Variants in HNRNPC observed in about 807,000 individuals in gnomAD.
HNRNPC encodes the protein heterogeneous nuclear ribonucleoprotein C.
In HNRNPC, 3 loss-of-function variants were observed where a neutral mutation model predicts 33.2. That is an observed-to-expected ratio of 0.09 (90% CI 0.04 to 0.23). The LOEUF (loss-of-function observed/expected upper bound fraction) is 0.23. Among genes scored for constraint, HNRNPC ranks in the 10% least tolerant of loss-of-function variants. The pLI, the probability that HNRNPC is intolerant of heterozygous loss-of-function variation, is 1.00. For synonymous variants in HNRNPC, 121 were observed against 126.7 expected (o/e 0.96, Z 0.30); for missense variants, 143 against 366.7 (o/e 0.39, Z 4.98).
chr14:21,232,668 A>T (rs1322113102), intron 3 of HNRNPC, among the ~76,000 whole-genome samples: 2 of 152,178 alleles, frequency 1.3e-5, no homozygotes, highest in African/African-American at 4.8e-5. Context: ...AACCTGGCCA[A>T]ATGTGGATAT....
intron 2 of HNRNPC, among the ~76,000 whole-genome samples, chr14:21,238,697 G>C (rs189269727): frequency 6.6e-6 from 1 of 152,076 alleles, no homozygotes; most frequent in African/African-American, 2.4e-5. Context: ...TCTAGTTGAA[G>C]GGGTCTAGAA....
At chr14:21,223,716 C>T (rs979473395) in intron 5 of HNRNPC, among the ~76,000 whole-genome samples, 1 of 151,868 alleles carries the variant, frequency 6.6e-6, no homozygotes, top group East Asian at 1.9e-4. Context: ...CCACTGCACT[C>T]GAGCCTGGGC....
intron 5 of HNRNPC, among the ~76,000 whole-genome samples, chr14:21,221,925 T>G (rs1421129374): frequency 1.3e-5 from 2 of 150,706 alleles, no homozygotes; most frequent in Non-Finnish European, 2.9e-5. Flanking sequence ...GGCGGGCACC[T>G]GTAGTCTCAG....
At chr14:21,253,319 A>AG (rs1284344638) in intron 2 of HNRNPC, among the ~76,000 whole-genome samples, 8 of 151,540 alleles carry the variant, frequency 5.3e-5, no homozygotes, top group Non-Finnish European at 8.8e-5. Context: ...TACTAAAAAA[A>AG]AAAAAAAATA....
At chr14:21,259,404 G>A (rs1392959484) in intron 2 of HNRNPC, among the ~76,000 whole-genome samples, 2 of 152,216 alleles carry the variant, frequency 1.3e-5, no homozygotes, top group Middle Eastern at 3.4e-3. Context: ...GAGGGCAGGG[G>A]ACATGTTTTG....
intron 1 of HNRNPC, among the ~76,000 whole-genome samples, chr14:21,266,510 CAT>C (rs1879006851): frequency 6.6e-6 from 1 of 151,942 alleles, no homozygotes; most frequent in Non-Finnish European, 1.5e-5. Flanking sequence ...TCCAAAAACA[CAT>C]AACCTATGAT....
chr14:21,238,318 T>C (rs558982375), intron 2 of HNRNPC, among the ~76,000 whole-genome samples: 2 of 152,200 alleles, frequency 1.3e-5, no homozygotes, highest in Non-Finnish European at 2.9e-5. Flanking sequence ...GTCAAAAAAA[T>C]AGTATCTGAA....
intron 2 of HNRNPC, among the ~76,000 whole-genome samples, chr14:21,238,341 A>G (rs930093035): frequency 6.6e-6 from 1 of 152,250 alleles, no homozygotes; most frequent in Non-Finnish European, 1.5e-5. Flanking sequence ...CGTACAATAC[A>G]TAGGAGACAT....
intron 5 of HNRNPC, among the ~76,000 whole-genome samples, chr14:21,218,708 A>AAC (rs1555351295): frequency 2.1e-5 from 3 of 142,512 alleles, no homozygotes; most frequent in Admixed American, 7.0e-5. Flanking sequence ...AAAAAAAAAA[A>AAC]CTGAAATTGA....
chr14:21,243,268 G>A (rs1038364987), intron 2 of HNRNPC, among the ~76,000 whole-genome samples: 1 of 151,940 alleles, frequency 6.6e-6, no homozygotes, highest in Admixed American at 6.6e-5. Flanking sequence ...TTATTCTTAG[G>A]AGATGCAGCC....
At chr14:21,236,518 C>G (rs966805477) in intron 2 of HNRNPC, 1 of 152,144 alleles carries the variant, frequency 6.6e-6, no homozygotes, top group Non-Finnish European at 1.5e-5. Flanking sequence ...TATTTACTAA[C>G]CATGTGCTGA....
chr14:21,261,807 T>A (rs1438505420), intron 2 of HNRNPC, among the ~76,000 whole-genome samples: 1 of 152,200 alleles, frequency 6.6e-6, no homozygotes, highest in African/African-American at 2.4e-5. Context: ...TCTAAAATGG[T>A]TATCAAAACA....
At chr14:21,265,266 TTC>T (rs1878787634) in intron 1 of HNRNPC, 1 of 152,226 alleles carries the variant, frequency 6.6e-6, no homozygotes, top group Non-Finnish European at 1.5e-5. Context: ...ACATTTCATT[TTC>T]TTATTTGGAG....
At chr14:21,240,990 G>A (rs141518386) in intron 2 of HNRNPC, among the ~76,000 whole-genome samples, 73 of 152,086 alleles carry the variant, frequency 4.8e-4, no homozygotes, top group African/African-American at 1.7e-3. Flanking sequence ...CCTCAACTAG[G>A]CCAGGTGCGA....
intron 2 of HNRNPC, among the ~76,000 whole-genome samples, chr14:21,253,173 TAAAA>T (rs544647664): frequency 1.7e-5 from 2 of 118,784 alleles, no homozygotes; most frequent in Non-Finnish European, 3.6e-5. Flanking sequence ...ACTCTGTCTT[TAAAA>T]AAAAAAAAAA....
At chr14:21,240,733 T>C (rs1028370607) in intron 2 of HNRNPC, among the ~76,000 whole-genome samples, 2 of 152,178 alleles carry the variant, frequency 1.3e-5, no homozygotes, top group African/African-American at 2.4e-5. Context: ...GTATACAAGT[T>C]AAACAAAGTA....
chr14:21,240,406 T>C (rs762111365), intron 2 of HNRNPC, among the ~76,000 whole-genome samples: 5 of 152,224 alleles, frequency 3.3e-5, no homozygotes, highest in South Asian at 2.1e-4. Context: ...TTTGAAAATA[T>C]ATTTATAAAA....
chr14:21,217,879 TCTTAACACAAAACCAGA>T (rs1235753745), intron 5 of HNRNPC, among the ~76,000 whole-genome samples: 1 of 152,156 alleles, frequency 6.6e-6, no homozygotes, highest in Non-Finnish European at 1.5e-5. Context: ...TAGGAAACTA[TCTTAACACAAAACCAGA>T]CATTTCATGG....
At chr14:21,219,702 T>A (rs1892613506) in intron 5 of HNRNPC, among the ~76,000 whole-genome samples, 3 of 151,696 alleles carry the variant, frequency 2.0e-5, no homozygotes, top group Non-Finnish European at 4.4e-5. Context: ...ACCCCCAGAA[T>A]CTCTCTTCTG....
Sources: allele counts gnomAD v4.1 joint callset (sites outside exome capture counted in the v4.1 genomes callset), GRCh38; gene constraint gnomAD v4.1.1; transcripts MANE v1.5; gene names NCBI Gene and HGNC (gene_info 2026-07-23, HGNC 2026-07-21).